VDR: variants seen among roughly 807,000 people sequenced by gnomAD.
VDR encodes vitamin D3 receptor.
In VDR, 19 loss-of-function variants were observed where a neutral mutation model predicts 39.7. The ratio of observed to expected loss-of-function variants is 0.48; its 90% CI spans 0.33 to 0.70. VDR has a LOEUF of 0.70. VDR is among the 30% of genes least tolerant of loss of function. The pLI is 0.02. For synonymous variants in VDR, 242 were observed against 215.8 expected (o/e 1.12, Z -1.07); for missense variants, 442 against 570.5 (o/e 0.77, Z 2.29).
chr12:47,896,838 C>T (rs1212434462), intron 1 of VDR: 2 of 152,168 alleles, frequency 1.3e-5, no homozygotes, highest in Admixed American at 6.5e-5. Flanking sequence ...CACTTCCTGC[C>T]CCTGGCAGAA....
At chr12:47,864,763 G>C (rs1207216535) in intron 4 of VDR, among the ~76,000 whole-genome samples, 5 of 152,146 alleles carry the variant, frequency 3.3e-5, no homozygotes, top group African/African-American at 1.2e-4. Context: ...GGCAGTGTCC[G>C]GCCTCTCCTT....
In VDR at chr12:47,853,860, T is replaced by C. The variant is rs1945433643; in HGVS notation, c.755+1770A>G. Among the ~76,000 whole-genome samples the C allele has an allele frequency of 1.2e-4, 19 of 152,086 alleles. No homozygotes were observed. In the South Asian group the frequency reaches 3.9e-3, roughly 32 times the overall value. On this transcript the variant is annotated intron_variant, in intron 7 of 9. Transcript: ENST00000549336. ...TTGCTTGAACCTGGAAGGCGGAGGT[T>C]GCAGTGAGCTGAGATCGCGCCATTG...
intron 1 of VDR, among the ~76,000 whole-genome samples, chr12:47,904,024 T>C (rs1051612517): frequency 6.6e-6 from 1 of 151,932 alleles, no homozygotes; most frequent in Non-Finnish European, 1.5e-5. Context: ...TTGCCTGGGC[T>C]CTGGCCCCTT....
chr12:47,881,171 C>T (rs1946144328), intron 2 of VDR, among the ~76,000 whole-genome samples: 1 of 151,710 alleles, frequency 6.6e-6, no homozygotes, highest in South Asian at 2.1e-4. Flanking sequence ...TTTTTACACA[C>T]ATACACTGTC....
rs931504437 is a variant in VDR at position 47,848,497 on chromosome 12, G to A, written c.756-1689C>T. Reference sequence around the variant, plus strand: ...CATTGTGATGCCTTGAACATTGCTGGTGCTCTTATTTTGCCCGTCTCCTCC... The same window carrying A: ...CATTGTGATGCCTTGAACATTGCTGATGCTCTTATTTTGCCCGTCTCCTCC... On this transcript the variant is annotated intron_variant, in intron 7 of 9. Coordinates refer to ENST00000549336, the MANE Select transcript of VDR (RefSeq NM_000376.3). Among the ~76,000 whole-genome samples, 3 of 149,352 alleles carry A rather than the reference G, an allele frequency of 2.0e-5. No homozygotes were observed. The East Asian group carries it at 5.9e-4, about 29-fold the overall frequency.
At chr12:47,846,618 G>A (rs760389340) in intron 8 of VDR, 39 bp downstream of exon 8, 1 of 1,612,360 alleles carries the variant, frequency 6.2e-7, no homozygotes, top group Admixed American at 1.7e-5. Flanking sequence ...GAATCTGGGA[G>A]CTGAAAAAGA....
At chr12:47,898,448 C>A (rs113348979) in intron 1 of VDR, 14 of 152,308 alleles carry the variant, frequency 9.2e-5, no homozygotes, top group African/African-American at 3.4e-4. Flanking sequence ...AGCTGTTTGG[C>A]ACCCTATAGC....
chr12:47,894,579 T>C (rs1243389509), intron 1 of VDR, among the ~76,000 whole-genome samples: 2 of 152,158 alleles, frequency 1.3e-5, no homozygotes, highest in East Asian at 3.8e-4. Context: ...CTGCCCTTAC[T>C]TTTTCCAGAA....
At chr12:47,855,330 A>G (rs1565612060) in intron 7 of VDR, among the ~76,000 whole-genome samples, 1 of 148,172 alleles carries the variant, frequency 6.7e-6, no homozygotes, top group South Asian at 2.2e-4. Context: ...TCTGTCTGGA[A>G]AAAAAATAAA....
At chr12:47,863,758 G>T (rs2137162347) in intron 4 of VDR, among the ~76,000 whole-genome samples, 1 of 152,304 alleles carries the variant, frequency 6.6e-6, no homozygotes, top group South Asian at 2.1e-4. Flanking sequence ...GCCAGTGTTG[G>T]CTGGGGAGCC....
intron 1 of VDR, among the ~76,000 whole-genome samples, chr12:47,902,134 T>G (rs1171755204): frequency 1.3e-5 from 2 of 152,226 alleles, no homozygotes; most frequent in African/African-American, 4.8e-5. Context: ...TAATATTCCA[T>G]TTTTCCCTGG....
At chr12:47,904,061 G>A (rs1470281501) in intron 1 of VDR, among the ~76,000 whole-genome samples, 1 of 151,810 alleles carries the variant, frequency 6.6e-6, no homozygotes, top group African/African-American at 2.4e-5. Context: ...CAGACAGGAG[G>A]CTGACTCACT....
At chr12:47,883,016 G>T (rs908453272) in intron 1 of VDR, 6 of 470,366 alleles carry the variant, frequency 1.3e-5, no homozygotes, top group Non-Finnish European at 7.5e-6. Flanking sequence ...GGAGCAGTGG[G>T]AAGCGGTGGC....
chr12:47,858,680 G>A (rs1015228819), intron 4 of VDR, among the ~76,000 whole-genome samples: 7 of 152,238 alleles, frequency 4.6e-5, no homozygotes, highest in Non-Finnish European at 8.8e-5. Context: ...GAGTGCTGAC[G>A]GCAGGAGTGG....
intron 1 of VDR, among the ~76,000 whole-genome samples, chr12:47,890,822 C>G (rs978691071): frequency 2.0e-5 from 3 of 152,060 alleles, no homozygotes; most frequent in Non-Finnish European, 4.4e-5. Flanking sequence ...CCACTGGTCC[C>G]CATCTGCAGC....
chr12:47,876,050 A>C (rs1310471908), intron 3 of VDR, among the ~76,000 whole-genome samples: 1 of 152,224 alleles, frequency 6.6e-6, no homozygotes, highest in Non-Finnish European at 1.5e-5. Flanking sequence ...GTAGCACTAA[A>C]TAGATTGTGA....
At chr12:47,891,071 G>A (rs139012951) in intron 1 of VDR, among the ~76,000 whole-genome samples, 106 of 152,234 alleles carry the variant, frequency 7.0e-4, no homozygotes, top group Non-Finnish European at 1.9e-4. Flanking sequence ...AGACTCTTCC[G>A]CATTGTGTCA....
intron 1 of VDR, among the ~76,000 whole-genome samples, chr12:47,883,822 C>G (rs1344375280): frequency 2.0e-5 from 3 of 152,166 alleles, no homozygotes; most frequent in African/African-American, 7.2e-5. Context: ...AGACCTGGGC[C>G]CGGTCCTAGA....
intron 1 of VDR, among the ~76,000 whole-genome samples, chr12:47,883,226 C>T (rs1035070791): frequency 6.6e-6 from 1 of 152,122 alleles, no homozygotes; most frequent in African/African-American, 2.4e-5. Flanking sequence ...AGCGGGAAGA[C>T]GGCTGCCCCA....
Sources: gnomAD v4.1 joint callset for allele counts (sites outside exome capture counted in the v4.1 genomes callset) on GRCh38, gnomAD v4.1.1 for gene constraint, MANE v1.5 for transcripts, NCBI Gene and HGNC (gene_info 2026-07-23, HGNC 2026-07-21) for gene names.